The following EYS variants were observed in gnomAD, a reference collection of about 807,000 sequenced individuals.
EYS encodes the protein protein eyes shut homolog.
In EYS, 250 loss-of-function variants were observed where a neutral mutation model predicts 282.1. That is an observed-to-expected ratio of 0.89 (90% CI 0.80 to 0.98). The LOEUF (loss-of-function observed/expected upper bound fraction) is 0.98. Among genes scored for constraint, EYS ranks in the 50% least tolerant of loss-of-function variants. The pLI is 0.00. For missense variants in EYS, 4,016 were observed against 3,709.0 expected (o/e 1.08, Z -2.15); for synonymous variants, 1,355 against 1,282.9 (o/e 1.06, Z -1.20).
intron 29 of EYS, among the ~76,000 whole-genome samples, chr6:64,378,796 T>C (rs9362752): frequency 6.6e-6 from 1 of 152,246 alleles, no homozygotes; most frequent in East Asian, 1.9e-4. Flanking sequence ...CCCTTTTGAG[T>C]TAGCACTTGT....
intron 14 of EYS, 96 bp downstream of exon 14, chr6:64,997,486 A>G: frequency 1.7e-6 from 2 of 1,158,564 alleles, no homozygotes; most frequent in Non-Finnish European, 1.2e-6. Context: ...TATATATACT[A>G]ACCTAACACA....
chr6:64,368,985 A>G (rs1244682391), intron 29 of EYS, among the ~76,000 whole-genome samples: 1 of 152,072 alleles, frequency 6.6e-6, no homozygotes, highest in Non-Finnish European at 1.5e-5. Flanking sequence ...ACCAGGTCCT[A>G]TGTTGAGAAT....
At chr6:63,884,209 T>A (rs970644131) in intron 35 of EYS, among the ~76,000 whole-genome samples, 1 of 152,186 alleles carries the variant, frequency 6.6e-6, no homozygotes, top group Non-Finnish European at 1.5e-5. Context: ...TATAGAATAA[T>A]GCTTTTCTTT....
intron 28 of EYS, among the ~76,000 whole-genome samples, chr6:64,429,433 C>A (rs1774511893): frequency 6.6e-6 from 1 of 152,130 alleles, no homozygotes; most frequent in African/African-American, 2.4e-5. Flanking sequence ...GAGTTCGAGA[C>A]CAGGCTGGCC....
intron 2 of EYS, among the ~76,000 whole-genome samples, chr6:65,619,998 T>G (rs1766405656): frequency 6.6e-6 from 1 of 152,034 alleles, no homozygotes; most frequent in South Asian, 2.1e-4. Flanking sequence ...TCATCAAGGA[T>G]ATTGGTCTAA....
intron 13 of EYS, among the ~76,000 whole-genome samples, chr6:65,019,977 A>G (rs1290358174): frequency 6.6e-6 from 1 of 152,156 alleles, no homozygotes; most frequent in Non-Finnish European, 1.5e-5. Context: ...CTCAGTCACT[A>G]TCATGAGAAC....
chr6:64,487,528 T>C (rs764332292), intron 26 of EYS, among the ~76,000 whole-genome samples: 4 of 150,998 alleles, frequency 2.6e-5, no homozygotes, highest in Non-Finnish European at 5.9e-5. Context: ...GCTTATGTCC[T>C]AACAAAATTA....
At chr6:65,361,918 C>T (rs1764725378) in intron 8 of EYS, among the ~76,000 whole-genome samples, 1 of 152,056 alleles carries the variant, frequency 6.6e-6, no homozygotes, top group African/African-American at 2.4e-5. Context: ...TGAGCAAATA[C>T]TGGAATTTTT....
intron 14 of EYS, among the ~76,000 whole-genome samples, chr6:64,950,007 G>A (rs536807249): frequency 7.1e-4 from 108 of 151,926 alleles, no homozygotes; most frequent in African/African-American, 2.0e-3. Context: ...GAAGTACCAC[G>A]ATTGGCTCAA....
At chr6:64,369,913 G>A (rs1171252776) in intron 29 of EYS, among the ~76,000 whole-genome samples, 3 of 151,778 alleles carry the variant, frequency 2.0e-5, no homozygotes, top group Non-Finnish European at 4.4e-5. Flanking sequence ...TGTTTATAAG[G>A]TCATGGAGCT....
chr6:64,665,813 C>T (rs1388933265), intron 22 of EYS, among the ~76,000 whole-genome samples: 3 of 152,050 alleles, frequency 2.0e-5, no homozygotes, highest in Admixed American at 6.6e-5. Context: ...TATTTGTGAA[C>T]ATGCCATATA....
chr6:64,296,783 T>G (rs1287547904), intron 30 of EYS, among the ~76,000 whole-genome samples: 2 of 151,718 alleles, frequency 1.3e-5, no homozygotes, highest in Non-Finnish European at 2.9e-5. Context: ...ACTTTTGTAT[T>G]TTTAGTAGAG....
At chr6:63,902,789 G>A (rs1773688737) in intron 35 of EYS, among the ~76,000 whole-genome samples, 1 of 152,040 alleles carries the variant, frequency 6.6e-6, no homozygotes, top group African/African-American at 2.4e-5. Context: ...TGTAGAATAA[G>A]GCATAAAAAT....
At chr6:64,032,766 AG>A (rs1769915604) in intron 33 of EYS, among the ~76,000 whole-genome samples, 2 of 152,362 alleles carry the variant, frequency 1.3e-5, no homozygotes, top group South Asian at 4.1e-4. Flanking sequence ...ATACTACTCA[AG>A]AATAGCCAAA....
At chr6:64,667,388 T>C (rs1190658565) in intron 22 of EYS, among the ~76,000 whole-genome samples, 1 of 151,954 alleles carries the variant, frequency 6.6e-6, no homozygotes, top group Admixed American at 6.6e-5. Context: ...GATGCCCCAG[T>C]GCCTCCTTGC....
chr6:64,102,890 A>T (rs117850370), intron 31 of EYS, among the ~76,000 whole-genome samples: 1 of 151,554 alleles, frequency 6.6e-6, no homozygotes, highest in African/African-American at 2.4e-5. Context: ...AAATACAAAC[A>T]TATCTTTTTT....
intron 12 of EYS, among the ~76,000 whole-genome samples, chr6:65,120,159 A>AAAAC (rs1775493485): frequency 6.7e-6 from 1 of 150,296 alleles, no homozygotes; most frequent in African/African-American, 2.4e-5. Flanking sequence ...CTCAAAAAAA[A>AAAAC]AAAAAAACAA....
intron 2 of EYS, among the ~76,000 whole-genome samples, chr6:65,630,897 T>C (rs1382854004): frequency 6.6e-6 from 1 of 152,230 alleles, no homozygotes; most frequent in Non-Finnish European, 1.5e-5. Flanking sequence ...AACAACCGTA[T>C]TGTTTGGTAG....
chr6:64,877,928 A>G (rs1766799495), intron 19 of EYS, among the ~76,000 whole-genome samples: 1 of 152,168 alleles, frequency 6.6e-6, no homozygotes, highest in South Asian at 2.1e-4. Context: ...AATGCAGGAT[A>G]AACTTTCCTT....
Sources: allele counts gnomAD v4.1 joint callset (sites outside exome capture counted in the v4.1 genomes callset), GRCh38; gene constraint gnomAD v4.1.1; transcripts MANE v1.5; gene names NCBI Gene and HGNC (gene_info 2026-07-23, HGNC 2026-07-21).